The following HIVEP2 variants were observed in gnomAD, a reference collection of about 807,000 sequenced individuals.
HIVEP2 encodes HIVEP zinc finger 2.
In HIVEP2, 14 loss-of-function variants were observed where a neutral mutation model predicts 180.7. The ratio of observed to expected loss-of-function variants is 0.08; its 90% CI spans 0.05 to 0.12. The LOEUF (loss-of-function observed/expected upper bound fraction) is 0.12, where lower values mean the gene tolerates loss of function less well. Ranked by LOEUF, HIVEP2 falls within the 10% of genes least tolerant of loss-of-function variation. The probability of loss-of-function intolerance (pLI) is 1.00; values close to 1 mark genes in which losing one functional copy is unlikely to be tolerated. For missense variants in HIVEP2, 2,579 were observed against 3,008.5 expected (o/e 0.86, Z 3.34); for synonymous variants, 1,184 against 1,136.4 (o/e 1.04, Z -0.84).
chr6:142,867,861 A>G (rs1455686375), intron 1 of HIVEP2, among the ~76,000 whole-genome samples: 1 of 152,168 alleles, frequency 6.6e-6, no homozygotes, highest in Non-Finnish European at 1.5e-5. Flanking sequence ...ATCCCATATG[A>G]ATTTCTTGAA....
At position 142,859,780 on chromosome 6, in the gene HIVEP2, G is replaced by A. The variant is rs142723265; in HGVS notation, c.-640-22733C>T. Among the ~76,000 whole-genome samples the A allele has an allele frequency of 9.3e-3, 1,152 of 123,910 alleles. 10 individuals carry two copies. The highest frequency in any genetic ancestry group is 0.033 in the African/African-American group (1,064 of 32,508). 81.3% of individuals were successfully genotyped at this position (123,910 alleles called of 152,430 possible). ...ACCTGGGAGGCAGATGTTGCAGTGA[G>A]TCAAGATCACACCATTGCACTCCAG... On this transcript the variant is annotated intron_variant, in intron 1 of 9. Transcript: ENST00000367603.
chr6:142,823,504 T>C (rs1205946922), intron 2 of HIVEP2, among the ~76,000 whole-genome samples: 1 of 152,196 alleles, frequency 6.6e-6, no homozygotes, highest in Non-Finnish European at 1.5e-5. Flanking sequence ...TCAAGCAGCA[T>C]TAATGCTTAG....
At chr6:142,910,403 C>T (rs561884394) in intron 1 of HIVEP2, among the ~76,000 whole-genome samples, 1 of 152,140 alleles carries the variant, frequency 6.6e-6, no homozygotes, top group African/African-American at 2.4e-5. Flanking sequence ...GAGATTGAGA[C>T]CATCCTGGCC....
intron 1 of HIVEP2, among the ~76,000 whole-genome samples, chr6:142,911,227 G>A (rs1222561563): frequency 6.6e-6 from 1 of 151,832 alleles, no homozygotes; most frequent in African/African-American, 2.4e-5. Context: ...TGCTGAGAGG[G>A]GCAGAGCCTA....
chr6:142,842,323 T>C (rs1201479965), intron 1 of HIVEP2, among the ~76,000 whole-genome samples: 2 of 152,222 alleles, frequency 1.3e-5, no homozygotes, highest in East Asian at 3.8e-4. Context: ...TTGTTGTGCA[T>C]GTTAACTAAA....
intron 9 of HIVEP2, among the ~76,000 whole-genome samples, chr6:142,756,903 C>T (rs1281249775): frequency 1.3e-5 from 2 of 152,096 alleles, no homozygotes; most frequent in Non-Finnish European, 2.9e-5. Context: ...CTACCTCCTT[C>T]TCATCATTTG....
intron 2 of HIVEP2, among the ~76,000 whole-genome samples, chr6:142,791,148 G>A (rs924560369): frequency 1.3e-5 from 2 of 152,034 alleles, no homozygotes; most frequent in Non-Finnish European, 2.9e-5. Flanking sequence ...GGAAACCAAA[G>A]AACAAATCTG....
At chr6:142,896,551 T>C (rs1433599097) in intron 1 of HIVEP2, among the ~76,000 whole-genome samples, 1 of 152,184 alleles carries the variant, frequency 6.6e-6, no homozygotes, top group Non-Finnish European at 1.5e-5. Flanking sequence ...CAGCACTCTC[T>C]GCCATTTCCT....
chr6:142,930,215 G>A (rs937792619), intron 1 of HIVEP2, among the ~76,000 whole-genome samples: 13 of 152,100 alleles, frequency 8.5e-5, no homozygotes, highest in African/African-American at 3.1e-4. Context: ...TGAAAGGAAG[G>A]GAGCTCACTG....
intron 9 of HIVEP2, among the ~76,000 whole-genome samples, chr6:142,756,972 A>G (rs983132060): frequency 5.3e-5 from 8 of 152,218 alleles, no homozygotes; most frequent in African/African-American, 1.9e-4. Context: ...TAGAACTGGT[A>G]TATAGATGTA....
Position 142,774,750 on chromosome 6 carries a change from A to G in HIVEP2, c.-12T>C. ...TCCCCAGTGTCCATTTTGTTACACAAGGTCTTAAGTGCTAGTTCCCCTGAA... is the reference window on the plus strand; with the variant it reads ...TCCCCAGTGTCCATTTTGTTACACAGGGTCTTAAGTGCTAGTTCCCCTGAA... On this transcript the variant is annotated 5_prime_UTR_variant, in exon 5 of 10. Coordinates refer to ENST00000367603, the MANE Select transcript of HIVEP2 (RefSeq NM_006734.4). The surrounding 1 kb of genome is among the most constrained non-coding windows in gnomAD (Gnocchi z 5.1). 6.2e-7 allele frequency: 1 copy of G among 1,611,928 alleles called. No individual in the cohort carries two copies. The highest frequency in any genetic ancestry group is 8.5e-7 in the Non-Finnish European group (1 of 1,178,794).
At chr6:142,796,432 G>A (rs1776280461) in intron 2 of HIVEP2, among the ~76,000 whole-genome samples, 1 of 152,128 alleles carries the variant, frequency 6.6e-6, no homozygotes, top group Non-Finnish European at 1.5e-5. Flanking sequence ...TATGTTGTCT[G>A]TATTATATAC....
intron 6 of HIVEP2, 37 bp from the exon 7 acceptor site, chr6:142,765,011 T>C: frequency 6.4e-7 from 1 of 1,569,350 alleles, no homozygotes. Context: ...TGTTTTCAAA[T>C]ATTCTTAGCA....
At chr6:142,755,266 C>T (rs1775036007) in intron 9 of HIVEP2, among the ~76,000 whole-genome samples, 1 of 152,180 alleles carries the variant, frequency 6.6e-6, no homozygotes, top group African/African-American at 2.4e-5. Context: ...TTAACACTAT[C>T]GTTACCACGA....
At chr6:142,816,537 A>T (rs115651760) in intron 2 of HIVEP2, among the ~76,000 whole-genome samples, 1,770 of 152,236 alleles carry the variant, frequency 0.012, 27 homozygotes, top group Middle Eastern at 0.037. Flanking sequence ...ATTTCCTAGC[A>T]CTCTGCACAA....
chr6:142,759,781 C>G lies in HIVEP2; in HGVS notation c.6507G>C (p.Leu2169Phe). The G allele has an allele frequency of 1.2e-6, 2 of 1,601,526 alleles. No individual in the cohort carries two copies. The highest frequency in any genetic ancestry group is 2.2e-5 in the East Asian group (1 of 44,846). ...GQYLQAEPIVLGPPNLRRGLP... is the reference protein window; with the variant it reads ...GQYLQAEPIVFGPPNLRRGLP... ...AGTGGATTATACTTACAGGAGGCCCCAATACAATTGGCTCTGCTTGCAAAT... is the reference window on the plus strand; with the variant it reads ...AGTGGATTATACTTACAGGAGGCCCGAATACAATTGGCTCTGCTTGCAAAT... The change falls in exon 9 of 10, where the codon TTG becomes TTC. Residue 2169 changes from leucine (L) to phenylalanine (F), a missense_variant. Around this residue, in one of 11 missense-constraint regions of HIVEP2, gnomAD observed 660 missense variants for 731.7 expected, o/e 0.90. Transcript: ENST00000367603.
At chr6:142,839,477 G>A (rs1174151453) in intron 1 of HIVEP2, among the ~76,000 whole-genome samples, 4 of 152,038 alleles carry the variant, frequency 2.6e-5, no homozygotes, top group African/African-American at 9.7e-5. Flanking sequence ...TATGTTACAT[G>A]GTCTAAACAA....
chr6:142,881,438 C>T (rs913362991), intron 1 of HIVEP2, among the ~76,000 whole-genome samples: 1 of 152,088 alleles, frequency 6.6e-6, no homozygotes, highest in African/African-American at 2.4e-5. Context: ...ACTAGAGCAA[C>T]CAGATTTGAG....
chr6:142,833,642 G>A (rs778309796), intron 2 of HIVEP2, among the ~76,000 whole-genome samples: 13 of 152,106 alleles, frequency 8.5e-5, no homozygotes, highest in Admixed American at 2.6e-4. Context: ...GTATAACCAG[G>A]TAAAATACTT....
Sources: gnomAD v4.1 joint callset for allele counts (sites outside exome capture counted in the v4.1 genomes callset) on GRCh38, gnomAD v4.1.1 for gene constraint, gnomAD v4.1.1 regional missense constraint, Gnocchi (gnomAD v3.1) non-coding constraint, MANE v1.5 for transcripts, NCBI Gene and HGNC (gene_info 2026-07-23, HGNC 2026-07-21) for gene names.